EGFLAM: variants seen among roughly 807,000 people sequenced by gnomAD.
EGFLAM encodes pikachurin.
Under a neutral mutation model 113.1 loss-of-function variants are expected in EGFLAM, and 79 were observed. The observed-to-expected ratio is 0.70, with a 90% CI of 0.58 to 0.84. The LOEUF is 0.84. EGFLAM is among the 40% of genes least tolerant of loss of function. The pLI, the probability that EGFLAM is intolerant of heterozygous loss-of-function variation, is 0.00. For synonymous variants in EGFLAM, 504 were observed against 487.6 expected (o/e 1.03, Z -0.44); for missense variants, 1,265 against 1,291.6 (o/e 0.98, Z 0.32).
intron 1 of EGFLAM, among the ~76,000 whole-genome samples, chr5:38,325,899 AT>A (rs1477094693): frequency 2.6e-5 from 4 of 152,060 alleles, no homozygotes; most frequent in Non-Finnish European, 5.9e-5. Flanking sequence ...TTTTAAAAAA[AT>A]ACCTGAAAAT....
intron 6 of EGFLAM, among the ~76,000 whole-genome samples, chr5:38,399,277 G>GTTTTTTTTTTTTTTTTTTTTTTTTTTTT (rs797021726): frequency 4.2e-5 from 5 of 118,472 alleles, no homozygotes; most frequent in African/African-American, 6.3e-5. Context: ...TTTTGTTTTC[G>GTTTTTTTTTTTTTTTTTTTTTTTTTTTT]TTTTTTTTTT....
intron 17 of EGFLAM, among the ~76,000 whole-genome samples, chr5:38,443,190 C>T (rs1256643853): frequency 3.9e-5 from 6 of 152,142 alleles, no homozygotes; most frequent in East Asian, 3.9e-4. Context: ...CACTTAAACC[C>T]GGGAGGCAGA....
intron 1 of EGFLAM, chr5:38,305,366 C>G (rs946217208): frequency 2.6e-6 from 1 of 382,768 alleles, no homozygotes; most frequent in South Asian, 2.0e-5. Flanking sequence ...CCATACCCAG[C>G]CAAACTATCA....
At position 38,305,885 on chromosome 5, in the gene EGFLAM, G is replaced by T. The variant is rs563762570; in HGVS notation, c.98-31635G>T. Among the ~76,000 whole-genome samples, 4 of 152,286 alleles carry T rather than the reference G, an allele frequency of 2.6e-5. 1 individual carries two copies. The South Asian group carries it at 8.3e-4, about 32-fold the overall frequency. On this transcript the variant is annotated intron_variant, in intron 1 of 21. Coordinates refer to ENST00000322350, the MANE Select transcript of EGFLAM (RefSeq NM_152403.4). ...ACAGACATTCATTAGGTGTGTCCTG[G>T]CATCCTTAAGGAACTTGGTAGAGGC...
intron 1 of EGFLAM, among the ~76,000 whole-genome samples, chr5:38,332,323 G>A (rs571390569): frequency 6.6e-6 from 1 of 151,940 alleles, no homozygotes; most frequent in Non-Finnish European, 1.5e-5. Context: ...ACATGTGAAG[G>A]TTTGTTACAT....
At chr5:38,337,356 G>C (rs1032176455) in intron 1 of EGFLAM, among the ~76,000 whole-genome samples, 164 bp from the exon 2 acceptor site, 1 of 152,202 alleles carries the variant, frequency 6.6e-6, no homozygotes, top group African/African-American at 2.4e-5. Context: ...AAGTGAGTGA[G>C]GTCAGCTGAG....
At chr5:38,295,168 A>G (rs1758423920) in intron 1 of EGFLAM, among the ~76,000 whole-genome samples, 1 of 152,210 alleles carries the variant, frequency 6.6e-6, no homozygotes, top group African/African-American at 2.4e-5. Context: ...TACAATTAGT[A>G]ATAACATGCT....
At chr5:38,350,958 G>A (rs1422403597) in intron 4 of EGFLAM, among the ~76,000 whole-genome samples, 1 of 152,174 alleles carries the variant, frequency 6.6e-6, no homozygotes. Context: ...AGTGGGAGAA[G>A]AGATTTATAG....
chr5:38,402,279 G>A (rs1384908563), intron 6 of EGFLAM, among the ~76,000 whole-genome samples: 1 of 152,200 alleles, frequency 6.6e-6, no homozygotes, highest in African/African-American at 2.4e-5. Flanking sequence ...TAAGTAGCAT[G>A]ATGTAGTCAA....
At chr5:38,325,449 CA>C (rs2111906759) in intron 1 of EGFLAM, among the ~76,000 whole-genome samples, 1 of 152,298 alleles carries the variant, frequency 6.6e-6, no homozygotes, top group East Asian at 1.9e-4. Context: ...GCAGCAATAA[CA>C]TTTGAGAAAC....
chr5:38,287,017 A>G (rs1042697799), intron 1 of EGFLAM, among the ~76,000 whole-genome samples: 4 of 152,272 alleles, frequency 2.6e-5, no homozygotes, highest in Non-Finnish European at 5.9e-5. Flanking sequence ...GGGCAATGAT[A>G]GAAACACAGG....
chr5:38,387,728 T>A (rs1740701820), intron 6 of EGFLAM, among the ~76,000 whole-genome samples: 1 of 152,270 alleles, frequency 6.6e-6, no homozygotes, highest in African/African-American at 2.4e-5. Context: ...CCAATACCAA[T>A]TTGAAAATGA....
chr5:38,292,133 C>T (rs778728028), intron 1 of EGFLAM, among the ~76,000 whole-genome samples: 1 of 152,208 alleles, frequency 6.6e-6, no homozygotes, highest in Non-Finnish European at 1.5e-5. Flanking sequence ...TGGCCTTTCT[C>T]ATTTTCCCCC....
chr5:38,418,528 A>C (rs908228536), intron 12 of EGFLAM, among the ~76,000 whole-genome samples: 6 of 152,156 alleles, frequency 3.9e-5, no homozygotes, highest in African/African-American at 1.4e-4. Context: ...CTCATCATGA[A>C]ATATGGCATG....
intron 1 of EGFLAM, among the ~76,000 whole-genome samples, chr5:38,298,022 T>C (rs1355084255): frequency 6.6e-6 from 1 of 152,138 alleles, no homozygotes; most frequent in African/African-American, 2.4e-5. Flanking sequence ...GTAAAGAACA[T>C]CCTGGGAAGA....
chr5:38,313,964 G>A (rs1250523575), intron 1 of EGFLAM, among the ~76,000 whole-genome samples: 1 of 152,104 alleles, frequency 6.6e-6, no homozygotes. Flanking sequence ...TTTGGTTGTT[G>A]TTTCGACAGA....
At chr5:38,391,585 G>A (rs1415050522) in intron 6 of EGFLAM, among the ~76,000 whole-genome samples, 1 of 150,570 alleles carries the variant, frequency 6.6e-6, no homozygotes, top group East Asian at 2.0e-4. Context: ...TTTTAGTAGA[G>A]ATGGGGTTTC....
At chr5:38,420,949 T>A (rs1330161772) in intron 12 of EGFLAM, among the ~76,000 whole-genome samples, 2 of 152,228 alleles carry the variant, frequency 1.3e-5, no homozygotes, top group East Asian at 3.9e-4. Context: ...TGTTGGTGTT[T>A]TACATTTCTT....
chr5:38,370,224 C>A, intron 5 of EGFLAM, 72 bp from the exon 6 acceptor site: 1 of 1,497,104 alleles, frequency 6.7e-7, no homozygotes, highest in Non-Finnish European at 9.2e-7. Flanking sequence ...TATTAGTTTA[C>A]ATAGCCAGCT....
Sources: allele counts gnomAD v4.1 joint callset (sites outside exome capture counted in the v4.1 genomes callset), GRCh38; gene constraint gnomAD v4.1.1; transcripts MANE v1.5; gene names NCBI Gene and HGNC (gene_info 2026-07-23, HGNC 2026-07-21).